Variants in ACP7 observed in about 807,000 individuals in gnomAD.
The protein encoded by ACP7 is acid phosphatase 7, tartrate resistant (putative), also known as acid phosphatase type 7.
In ACP7, 58 loss-of-function variants were observed where a neutral mutation model predicts 60.6. The observed-to-expected ratio is 0.96, with a 90% CI of 0.77 to 1.19. The LOEUF (loss-of-function observed/expected upper bound fraction) is 1.19, where lower values mean the gene tolerates loss of function less well. Among genes scored for constraint, ACP7 ranks in the 50% most tolerant of loss-of-function variants. The probability of loss-of-function intolerance (pLI) is 0.00; values close to 1 mark genes in which losing one functional copy is unlikely to be tolerated. For missense variants in ACP7, 574 were observed against 596.2 expected, an observed-to-expected ratio of 0.96 and a Z score of 0.39; for synonymous variants, 237 against 232.6, an observed-to-expected ratio of 1.02 and a Z score of -0.17.
At chr19:39,108,607 G>A (rs1446590467) in intron 12 of ACP7, among the ~76,000 whole-genome samples, 2 of 152,082 alleles carry the variant, frequency 1.3e-5, no homozygotes, top group East Asian at 3.8e-4. Flanking sequence ...TGAGGCAGGG[G>A]AAGATAAAGA....
At chr19:39,098,906 A>G in intron 3 of ACP7, 54 bp from the exon 4 acceptor site, 1 of 1,022,270 alleles carries the variant, frequency 9.8e-7, no homozygotes, top group African/African-American at 1.5e-5. Flanking sequence ...ATGGGGTTGG[A>G]GGGAGGGTCC....
chr19:39,106,903 G>A (rs1229930096), intron 11 of ACP7, 44 bp from the exon 12 acceptor site: 4 of 1,607,258 alleles, frequency 2.5e-6, no homozygotes, highest in Non-Finnish European at 1.7e-6. Context: ...CTTCCCCGCG[G>A]GTCCTCCACC....
chr19:39,109,419 C>T (rs1488104197), intron 12 of ACP7, among the ~76,000 whole-genome samples: 1 of 152,012 alleles, frequency 6.6e-6, no homozygotes, highest in African/African-American at 2.4e-5. Flanking sequence ...TTAAGGCCAC[C>T]TAGAGGGTGG....
At chr19:39,091,244 CCTCCG>C (rs2073201295) in intron 2 of ACP7, among the ~76,000 whole-genome samples, 2 of 151,414 alleles carry the variant, frequency 1.3e-5, no homozygotes. Context: ...CTCACAGCAA[CCTCCG>C]CCTCCTGGGT....
intron 2 of ACP7, among the ~76,000 whole-genome samples, chr19:39,086,818 A>G (rs2073147973): frequency 6.6e-6 from 1 of 152,172 alleles, no homozygotes. Flanking sequence ...TGTGCATTAC[A>G]GCTAGCAATA....
chr19:39,109,976 G>A, intron 12 of ACP7, 77 bp from the exon 13 acceptor site: 1 of 1,443,890 alleles, frequency 6.9e-7, no homozygotes, highest in African/African-American at 1.4e-5. Context: ...GCAGAGAGGG[G>A]ACTGGAACCC....
chr19:39,102,761 T>TC (rs1568482723), intron 11 of ACP7, among the ~76,000 whole-genome samples: 5 of 82,410 alleles, frequency 6.1e-5, no homozygotes, highest in Non-Finnish European at 5.3e-5. Context: ...CTTTCTTTCT[T>TC]TCTTTCTCTC....
intron 11 of ACP7, among the ~76,000 whole-genome samples, chr19:39,102,765 TTCTCTCTCTCTC>T (rs149280504): frequency 1.9e-5 from 2 of 107,336 alleles, no homozygotes; most frequent in African/African-American, 6.2e-5. Context: ...CTTTCTTTCT[TTCTCTCTCTCTC>T]TCTTTCTCTC....
intron 6 of ACP7, 37 bp from the exon 7 acceptor site, chr19:39,100,702 G>T (rs780970346): frequency 7.4e-6 from 12 of 1,612,208 alleles, no homozygotes; most frequent in East Asian, 2.2e-5. Context: ...ATGCAGGGGA[G>T]CCCTGGTCCC....
chr19:39,085,304 G>A lies in ACP7; in HGVS notation c.35G>A (p.Cys12Tyr), dbSNP rs1179510089. The change falls in exon 2 of 13, where the codon TGT (cysteine) becomes TAT (tyrosine). Residue 12 changes from cysteine to tyrosine, a missense_variant. Coordinates refer to ENST00000331256, the MANE Select transcript of ACP7 (RefSeq NM_001004318.3). Reference sequence around the variant, plus strand: ...CTTCCTGGCTACTGGTCCTGTTACTGTCTACTCCTGCTATTCTCCTTGGGA... The same window carrying A: ...CTTCCTGGCTACTGGTCCTGTTACTATCTACTCCTGCTATTCTCCTTGGGA... ...HPLPGYWSCY[C>Y]LLLLFSLGVQ... The A allele has an allele frequency of 6.2e-7, 1 of 1,613,612 alleles. No individual in the cohort carries two copies. The highest frequency in any genetic ancestry group is 1.3e-5 in the African/African-American group (1 of 74,994).
chr19:39,098,673 A>C lies in ACP7; in HGVS notation c.322+15A>C. Reference sequence around the variant, plus strand: ...GGTTCAGTATGGTGAGAGGGGCCCCAGGCTGAGCTGTTGAGGAGGAGTGGG... The same window carrying C: ...GGTTCAGTATGGTGAGAGGGGCCCCCGGCTGAGCTGTTGAGGAGGAGTGGG... On this transcript the variant is annotated intron_variant, in intron 3 of 12. Coordinates refer to ENST00000331256, the MANE Select transcript of ACP7 (RefSeq NM_001004318.3). The C allele has an allele frequency of 6.3e-7, 1 of 1,598,748 alleles. No homozygotes were observed. Among genetic ancestry groups the C allele is most frequent in the Non-Finnish European group, 8.5e-7 (1 of 1,171,552 alleles).
chr19:39,097,348 A>G (rs567293321), intron 2 of ACP7, among the ~76,000 whole-genome samples: 13 of 151,348 alleles, frequency 8.6e-5, no homozygotes, highest in Non-Finnish European at 1.8e-4. Context: ...GGTTGCAGTG[A>G]GCCGAGAATG....
In ACP7 at chr19:39,109,664, G is replaced by A. The variant is rs369183314; in HGVS notation, c.1252-389G>A. Among the ~76,000 whole-genome samples, 9 of 140,628 alleles carry A rather than the reference G, an allele frequency of 6.4e-5. No homozygotes were observed. In the East Asian group the frequency reaches 1.3e-3, roughly 20 times the overall value. The allele number at this position is 140,628 out of a possible 152,430, so 92.3% of individuals were successfully genotyped here. A position where few individuals can be genotyped will look rare whatever the true frequency, so the allele number is the denominator to read the frequency against. On this transcript the variant is annotated intron_variant, in intron 12 of 12. Coordinates refer to ENST00000331256, the MANE Select transcript of ACP7 (RefSeq NM_001004318.3). ...AGGTTGCCACTGCACTCCAGCCTGGGTGACAGAGCAAGACTCTGTCTAAAA... is the reference window on the plus strand; with the variant it reads ...AGGTTGCCACTGCACTCCAGCCTGGATGACAGAGCAAGACTCTGTCTAAAA...
At position 39,097,804 on chromosome 19, in the gene ACP7, T is replaced by C. The variant is rs181100778; in HGVS notation, c.122-654T>C. 2.0e-5 allele frequency among the ~76,000 whole-genome samples: 3 copies of C among 152,222 alleles called. No individual in the cohort carries two copies. The East Asian group carries it at 5.8e-4, about 29-fold the overall frequency. On this transcript the variant is annotated intron_variant, in intron 2 of 12. Transcript: ENST00000331256. Reference sequence around the variant, plus strand: ...TAATAATAATACTCATTCCCGCATATAACCCTAAGTGTACTAGGTACTGTT... The same window carrying C: ...TAATAATAATACTCATTCCCGCATACAACCCTAAGTGTACTAGGTACTGTT...
chr19:39,085,043 G>A, intron 1 of ACP7, 49 bp from the exon 2 acceptor site: 3 of 509,446 alleles, frequency 5.9e-6, no homozygotes, highest in East Asian at 6.7e-5. Context: ...GGCTCAGAGA[G>A]CTCTGCTGCT....
chr19:39,098,253 C>CAAAAAAAAAAAAAAAAAAAAA (rs59373149), intron 2 of ACP7, among the ~76,000 whole-genome samples: 4 of 64,952 alleles, frequency 6.2e-5, no homozygotes, highest in South Asian at 7.0e-4. Context: ...GACCCTGACT[C>CAAAAAAAAAAAAAAAAAAAAA]AAAAAAAAAA....
At chr19:39,108,624 G>T (rs1333960847) in intron 12 of ACP7, among the ~76,000 whole-genome samples, 5 of 152,082 alleles carry the variant, frequency 3.3e-5, no homozygotes, top group Admixed American at 3.3e-4. Context: ...AAGATGGGGG[G>T]TGGGACACAG....
chr19:39,096,634 A>G (rs2073268836), intron 2 of ACP7, among the ~76,000 whole-genome samples: 2 of 152,068 alleles, frequency 1.3e-5, no homozygotes, highest in South Asian at 4.2e-4. Flanking sequence ...TTTCAGCAAC[A>G]CCCCACTCTA....
At position 39,110,864 on chromosome 19, in the gene ACP7, T is replaced by C. The variant is rs1261379481; in HGVS notation, c.*746T>C. 1 of 152,234 alleles carries C rather than the reference T, an allele frequency of 6.6e-6. No homozygotes were observed. The highest frequency in any genetic ancestry group is 1.9e-4 in the East Asian group (1 of 5,204). The allele number at this position is 152,234 out of a possible 1,614,324, so 9.4% of individuals were successfully genotyped here. On this transcript the variant is annotated 3_prime_UTR_variant, in exon 13 of 13. Coordinates refer to ENST00000331256, the MANE Select transcript of ACP7 (RefSeq NM_001004318.3). ...ACCATGTGCCAGGCTCTGTTCTCAGTGCTGGAGAGACAGCTGTGAATGAGA... is the reference window on the plus strand; with the variant it reads ...ACCATGTGCCAGGCTCTGTTCTCAGCGCTGGAGAGACAGCTGTGAATGAGA...
Sources: allele counts gnomAD v4.1 joint callset (sites outside exome capture counted in the v4.1 genomes callset), GRCh38; gene constraint gnomAD v4.1.1; transcripts MANE v1.5; gene names NCBI Gene and HGNC (gene_info 2026-07-23, HGNC 2026-07-21).